MYO1B: variants seen among roughly 807,000 people sequenced by gnomAD.
The protein encoded by MYO1B is unconventional myosin-Ib.
A neutral mutation model predicts 159.7 loss-of-function variants in MYO1B; 72 were observed. The ratio of observed to expected loss-of-function variants is 0.45; its 90% CI spans 0.37 to 0.55. The LOEUF (loss-of-function observed/expected upper bound fraction) is 0.55, where lower values mean the gene tolerates loss of function less well. Ranked by LOEUF, MYO1B falls within the 20% of genes least tolerant of loss-of-function variation. The pLI, the probability that MYO1B is intolerant of heterozygous loss-of-function variation, is 0.00. For missense variants in MYO1B, 1,062 were observed against 1,364.8 expected, an observed-to-expected ratio of 0.78 and a Z score of 3.50; for synonymous variants, 468 against 473.8, an observed-to-expected ratio of 0.99 and a Z score of 0.16.
In MYO1B at chr2:191,364,289, T is replaced by G; in HGVS notation, c.1032+13T>G. The G allele has an allele frequency of 6.3e-7, 1 of 1,585,938 alleles. No individual in the cohort carries two copies. Among genetic ancestry groups the G allele is most frequent in the Non-Finnish European group, 8.7e-7 (1 of 1,155,156 alleles). On this transcript the variant is annotated intron_variant, in intron 11 of 30. Transcript: ENST00000392318. ...GAATGTGGCTCAGGTGGGTGAAACA[T>G]AATGTACAGACGAAAGTTTCTTAAA... is the stretch of plus-strand genomic sequence containing the variant.
At chr2:191,364,009 A>G in intron 10 of MYO1B, 134 bp downstream of exon 10, 4 of 1,283,830 alleles carry the variant, frequency 3.1e-6, no homozygotes, top group Non-Finnish European at 4.5e-6. Context: ...GAGCAGAAAT[A>G]GAACTGTGGC....
chr2:191,299,165 C>T (rs968197275), intron 3 of MYO1B, among the ~76,000 whole-genome samples: 1 of 152,128 alleles, frequency 6.6e-6, no homozygotes, highest in African/African-American at 2.4e-5. Flanking sequence ...ACATTTTTAT[C>T]CTGGTGCCTG....
At chr2:191,317,942 C>G (rs1263793531) in intron 3 of MYO1B, among the ~76,000 whole-genome samples, 1 of 152,002 alleles carries the variant, frequency 6.6e-6, no homozygotes, top group African/African-American at 2.4e-5. Flanking sequence ...TTTGAAAATG[C>G]CATACATTAA....
At chr2:191,309,117 G>C (rs1347595792) in intron 3 of MYO1B, among the ~76,000 whole-genome samples, 1 of 152,116 alleles carries the variant, frequency 6.6e-6, no homozygotes, top group Non-Finnish European at 1.5e-5. Context: ...CAGCTATGTT[G>C]AGCTCTGCAG....
At chr2:191,383,082 A>G (rs34460997) in intron 14 of MYO1B, among the ~76,000 whole-genome samples, 198 bp from the exon 15 acceptor site, 119,423 of 152,116 alleles carry the variant, frequency 0.79, 52,588 homozygotes, top group Non-Finnish European at 0.98. Flanking sequence ...GTTTGCTTCA[A>G]TCAGATTATG....
Position 191,364,259 on chromosome 2 carries a change from A to G in MYO1B, c.1015A>G (p.Thr339Ala), listed in dbSNP as rs370321576. ...GGCCAAACAGGAGAAAGTTTCAACT[A>G]CACTGAATGTGGCTCAGGTGGGTGA... ...VEAKQEKVST[T>A]LNVAQAYYAR... is the part of the protein sequence containing the mutation. Residue 339 changes from threonine to alanine, a missense_variant, in exon 11 of 31, where the codon ACA becomes GCA. This residue lies in a region of MYO1B where 415 missense variants were observed against 544.0 expected (regional missense o/e 0.76). Transcript: ENST00000392318. The G allele has an allele frequency of 1.2e-6, 2 of 1,613,370 alleles. No individual in the cohort carries two copies. The highest frequency in any genetic ancestry group is 1.7e-6 in the Non-Finnish European group (2 of 1,179,338).
chr2:191,369,673 C>G (rs779196272), intron 12 of MYO1B, 45 bp downstream of exon 12: 8 of 1,420,370 alleles, frequency 5.6e-6, no homozygotes, highest in Non-Finnish European at 7.9e-6. Context: ...AAATGGTATT[C>G]ACAGTATAAA....
At chr2:191,276,596 C>G (rs1003214353) in intron 1 of MYO1B, among the ~76,000 whole-genome samples, 1 of 152,076 alleles carries the variant, frequency 6.6e-6, no homozygotes, top group African/African-American at 2.4e-5. Flanking sequence ...TTTTGCGACT[C>G]TCTGCTGAGG....
chr2:191,287,912 GTCGT>G (rs1688475435), intron 2 of MYO1B, among the ~76,000 whole-genome samples: 1 of 148,376 alleles, frequency 6.7e-6, no homozygotes. Context: ...TTTTATTCCA[GTCGT>G]AACTACTCAG....
intron 5 of MYO1B, 128 bp downstream of exon 5, chr2:191,341,693 G>A: frequency 1.6e-6 from 1 of 639,492 alleles, no homozygotes; most frequent in Non-Finnish European, 2.7e-6. Context: ...TTCAGGCCAA[G>A]ACCTGCTGAG....
chr2:191,311,913 G>A (rs1690022872), intron 3 of MYO1B, among the ~76,000 whole-genome samples: 1 of 152,006 alleles, frequency 6.6e-6, no homozygotes, highest in South Asian at 2.1e-4. Flanking sequence ...AAAACAAGTA[G>A]AAAATGATAT....
chr2:191,296,084 G>C (rs374131448), intron 2 of MYO1B, 27 bp from the exon 3 acceptor site: 11 of 1,345,324 alleles, frequency 8.2e-6, no homozygotes, highest in Non-Finnish European at 1.0e-5. Context: ...ACTAACTAAT[G>C]GGCATGTTTT....
intron 3 of MYO1B, among the ~76,000 whole-genome samples, chr2:191,312,238 A>G (rs547984386): frequency 5.3e-4 from 80 of 151,960 alleles, no homozygotes; most frequent in African/African-American, 1.8e-3. Context: ...TCAGTTATAC[A>G]TTTTTTTTCA....
At position 191,392,208 on chromosome 2, in the gene MYO1B, A is replaced by C; in HGVS notation, c.2076+7A>C. On this transcript the variant is annotated splice_region_variant and intron_variant, in intron 19 of 30. Coordinates refer to ENST00000392318, the MANE Select transcript of MYO1B (RefSeq NM_001130158.3). Reference sequence around the variant, plus strand: ...CATCCGAAACCCAAGAACAGTATGTAACGAAAACCTTTACACTCTGAACTT... The same window carrying C: ...CATCCGAAACCCAAGAACAGTATGTCACGAAAACCTTTACACTCTGAACTT... 6.3e-7 allele frequency: 1 copy of C among 1,587,932 alleles called. No individual in the cohort carries two copies. Among genetic ancestry groups the C allele is most frequent in the Non-Finnish European group, 8.6e-7 (1 of 1,160,158 alleles).
At chr2:191,281,262 C>T (rs780126809) in intron 2 of MYO1B, among the ~76,000 whole-genome samples, 1 of 152,142 alleles carries the variant, frequency 6.6e-6, no homozygotes, top group African/African-American at 2.4e-5. Flanking sequence ...CAGATATTGA[C>T]GTGGTCTTCG....
At chr2:191,321,889 C>T (rs1468908252) in intron 3 of MYO1B, among the ~76,000 whole-genome samples, 22 of 152,090 alleles carry the variant, frequency 1.4e-4, no homozygotes, top group Admixed American at 1.4e-3. Flanking sequence ...CCTCAGAGCC[C>T]TCACAGTGAG....
At chr2:191,364,115 C>T (rs200877269) in intron 10 of MYO1B, 43 bp from the exon 11 acceptor site, 105 of 1,467,042 alleles carry the variant, frequency 7.2e-5, no homozygotes, top group Non-Finnish European at 9.1e-5. Flanking sequence ...ATTAGCAGCA[C>T]GTGTACAGTC....
At chr2:191,314,247 T>G (rs1358908829) in intron 3 of MYO1B, among the ~76,000 whole-genome samples, 1 of 152,256 alleles carries the variant, frequency 6.6e-6, no homozygotes, top group Admixed American at 6.5e-5. Flanking sequence ...TTTTTCATGT[T>G]TCTGTTGTTA....
chr2:191,377,374 A>C (rs1396092791), intron 13 of MYO1B: 1 of 152,184 alleles, frequency 6.6e-6, no homozygotes, highest in Non-Finnish European at 1.5e-5. Flanking sequence ...GCATACTTGG[A>C]GCATGGGTGG....
Sources: allele counts gnomAD v4.1 joint callset (sites outside exome capture counted in the v4.1 genomes callset), GRCh38; gene constraint gnomAD v4.1.1; regional missense constraint gnomAD v4.1.1; transcripts MANE v1.5; gene names NCBI Gene and HGNC (gene_info 2026-07-23, HGNC 2026-07-21).